The following MTARC2 variants were observed in gnomAD, a reference collection of about 807,000 sequenced individuals.
MTARC2 encodes MOCO sulphurase C-terminal domain containing 2.
A neutral mutation model predicts 35.6 loss-of-function variants in MTARC2; 27 were observed. The ratio of observed to expected loss-of-function variants is 0.76; its 90% confidence interval spans 0.56 to 1.04. The LOEUF (loss-of-function observed/expected upper bound fraction) is 1.04. MTARC2 is among the 50% of genes least tolerant of loss of function. The pLI is 0.00. For missense variants in MTARC2, 412 were observed against 432.5 expected, an observed-to-expected ratio of 0.95 and a Z score of 0.42; for synonymous variants, 158 against 167.1, an observed-to-expected ratio of 0.95 and a Z score of 0.42.
At chr1:220,778,392 C>A (rs1671976190) in intron 4 of MTARC2, among the ~76,000 whole-genome samples, 1 of 152,136 alleles carries the variant, frequency 6.6e-6, no homozygotes, top group African/African-American at 2.4e-5. Context: ...GTCCAGCTTC[C>A]TACATGGCAG....
At chr1:220,779,167 A>T (rs1671997351) in intron 4 of MTARC2, among the ~76,000 whole-genome samples, 1 of 152,222 alleles carries the variant, frequency 6.6e-6, no homozygotes, top group African/African-American at 2.4e-5. Flanking sequence ...TAACCACCTT[A>T]TATATGTATA....
chr1:220,766,842 A>G (rs1361718481), intron 4 of MTARC2, among the ~76,000 whole-genome samples: 2 of 144,246 alleles, frequency 1.4e-5, no homozygotes, highest in East Asian at 4.3e-4. Flanking sequence ...TTTAAATAAT[A>G]AACTGAAAAT....
rs373381441 is a variant in MTARC2 at position 220,770,070 on chromosome 1, A to G, written c.750+7020A>G. On this transcript the variant is annotated intron_variant, in intron 4 of 7. Transcript: ENST00000366913. The stretch of plus-strand genomic sequence containing the variant: ...TGCAGTGAGCCGAGATCGCGCCACT[A>G]CACTCCAGCCTGGGCGACAGAGCAA... 5.6e-3 allele frequency among the ~76,000 whole-genome samples: 845 copies of G among 151,968 alleles called. 6 individuals are homozygous for G. The East Asian group carries it at 0.056, about 10-fold the overall frequency.
intron 4 of MTARC2, among the ~76,000 whole-genome samples, chr1:220,774,716 C>T (rs542183117): frequency 1.8e-4 from 28 of 151,930 alleles, no homozygotes; most frequent in African/African-American, 5.8e-4. Flanking sequence ...CCCATTGCCA[C>T]GGCAGGCCAT....
chr1:220,755,527 C>G (rs1413148883), intron 2 of MTARC2, among the ~76,000 whole-genome samples: 1 of 152,122 alleles, frequency 6.6e-6, no homozygotes, highest in East Asian at 1.9e-4. Flanking sequence ...AAAGGAGAAG[C>G]AAGGCAGGGG....
chr1:220,753,156 A>G (rs1356287479), intron 1 of MTARC2, among the ~76,000 whole-genome samples: 2 of 151,518 alleles, frequency 1.3e-5, no homozygotes, highest in Non-Finnish European at 2.9e-5. Context: ...TGAACCCAGG[A>G]GGTGGAGCTT....
At chr1:220,780,926 C>T (rs549296641) in intron 6 of MTARC2, among the ~76,000 whole-genome samples, 2 of 151,836 alleles carry the variant, frequency 1.3e-5, no homozygotes, top group South Asian at 2.1e-4. Context: ...ATAATTGAAA[C>T]TGCATAATGA....
chr1:220,783,971 A>G lies in MTARC2; in HGVS notation c.*84A>G, dbSNP rs1572324741. ...AGATCTTAACAACAGCAGCAACGAT[A>G]CATCAGCAAATCCTTATTATCCAGC... On this transcript the variant is annotated 3_prime_UTR_variant, in exon 8 of 8. Transcript: ENST00000366913. 2 of 717,432 alleles carry G rather than the reference A, an allele frequency of 2.8e-6. No homozygotes were observed. The highest frequency in any genetic ancestry group is 5.2e-6 in the Non-Finnish European group (2 of 385,056). 44.4% of individuals were successfully genotyped at this position (717,432 alleles called of 1,614,324 possible).
intron 4 of MTARC2, among the ~76,000 whole-genome samples, chr1:220,768,243 T>C (rs1671639709): frequency 6.6e-6 from 1 of 152,090 alleles, no homozygotes; most frequent in Non-Finnish European, 1.5e-5. Flanking sequence ...TACAGGAAAG[T>C]ATAGGGTGGA....
intron 4 of MTARC2, among the ~76,000 whole-genome samples, chr1:220,776,433 A>G (rs1217721202): frequency 1.3e-5 from 2 of 152,080 alleles, no homozygotes; most frequent in African/African-American, 2.4e-5. Flanking sequence ...TTTTAATAGT[A>G]TATAATTTAT....
In MTARC2 at chr1:220,780,036, C is replaced by A. The variant is rs140582959; in HGVS notation, c.769C>A (p.Leu257Ile). 36 of 1,538,068 alleles carry A rather than the reference C, an allele frequency of 2.3e-5. No homozygotes were observed. The East Asian group carries it at 8.6e-4, about 37-fold the overall frequency. ...CTCTTAGGATACCTGGGATGAACTC[C>A]TAATTGGTAGTGTAGAAGTGAAAAA... ...AFEEDTWDEL[L>I]IGSVEVKKVM... Residue 257 changes from leucine (L) to isoleucine (I), a missense_variant, in exon 5 of 8, where the codon CTA (leucine) becomes ATA (isoleucine). Leu to Ile is a conservative substitution (Grantham distance 5). Coordinates refer to ENST00000366913, the MANE Select transcript of MTARC2 (RefSeq NM_017898.5).
chr1:220,761,340 G>A (rs547599561), intron 2 of MTARC2, among the ~76,000 whole-genome samples: 1 of 152,312 alleles, frequency 6.6e-6, no homozygotes, highest in Admixed American at 6.5e-5. Flanking sequence ...AAATCCTTAC[G>A]TTCATGGACC....
chr1:220,776,112 C>A lies in MTARC2; in HGVS notation c.751-3906C>A, dbSNP rs138860771. Among the ~76,000 whole-genome samples the A allele has an allele frequency of 7.5e-3, 1,135 of 152,316 alleles. 17 individuals are homozygous for A. The highest frequency in any genetic ancestry group is 0.026 in the African/African-American group (1,075 of 41,570). ...TTTGAGAAATCTACAGATCGCTTTC[C>A]ATGGTGGTTGAACCAATTTACATTC... On this transcript the variant is annotated intron_variant, in intron 4 of 7. Coordinates refer to ENST00000366913, the MANE Select transcript of MTARC2 (RefSeq NM_017898.5).
At chr1:220,778,198 A>G (rs1671967306) in intron 4 of MTARC2, among the ~76,000 whole-genome samples, 1 of 141,114 alleles carries the variant, frequency 7.1e-6, no homozygotes, top group Non-Finnish European at 1.5e-5. Flanking sequence ...CAGTGAGCCG[A>G]GATTGCGCCA....
Position 220,748,857 on chromosome 1 carries a change from G to A in MTARC2, c.272+54G>A, listed in dbSNP as rs72472372. On this transcript the variant is annotated intron_variant, in intron 1 of 7. Coordinates refer to ENST00000366913, the MANE Select transcript of MTARC2 (RefSeq NM_017898.5). ...GCGGAGCCTGCCTGGGATGAGGAGC[G>A]GGGGGGCAGGTGGGGCCCGATCTAT... The A allele has an allele frequency of 1.9e-4, 278 of 1,430,312 alleles. 3 individuals carry two copies. In the East Asian group the frequency reaches 8.2e-3, roughly 42 times the overall value. The allele number at this position is 1,430,312 out of a possible 1,614,324, so 88.6% of individuals were successfully genotyped here.
chr1:220,761,934 G>A, intron 3 of MTARC2, 114 bp downstream of exon 3: 1 of 1,041,474 alleles, frequency 9.6e-7, no homozygotes, highest in Non-Finnish European at 1.4e-6. Context: ...ATATGATAAT[G>A]GCCCTGGTGA....
intron 2 of MTARC2, among the ~76,000 whole-genome samples, chr1:220,759,612 C>T (rs1671385590): frequency 6.6e-6 from 1 of 152,038 alleles, no homozygotes; most frequent in Non-Finnish European, 1.5e-5. Flanking sequence ...TATGTGTGCA[C>T]TTATGTACAA....
chr1:220,761,866 T>C, intron 3 of MTARC2, 46 bp downstream of exon 3: 1 of 1,532,980 alleles, frequency 6.5e-7, no homozygotes, highest in Non-Finnish European at 8.8e-7. Flanking sequence ...GTCACCCTTC[T>C]CTTTCTGGCT....
chr1:220,767,575 A>G (rs905033728), intron 4 of MTARC2, among the ~76,000 whole-genome samples: 6 of 152,164 alleles, frequency 3.9e-5, no homozygotes, highest in Admixed American at 1.3e-4. Context: ...AAATTGACCA[A>G]TGCTTCCTAT....
Sources: gnomAD v4.1 joint callset for allele counts (sites outside exome capture counted in the v4.1 genomes callset) on GRCh38, gnomAD v4.1.1 for gene constraint, MANE v1.5 for transcripts, NCBI Gene and HGNC (gene_info 2026-07-23, HGNC 2026-07-21) for gene names.